Variants in PHF21B observed in about 807,000 individuals in gnomAD.
PHF21B encodes the protein PHD finger protein 21B.
A neutral mutation model predicts 62.2 loss-of-function variants in PHF21B; 22 were observed. The ratio of observed to expected loss-of-function variants is 0.35; its 90% confidence interval spans 0.25 to 0.51. The LOEUF is 0.51. Among genes scored for constraint, PHF21B ranks in the 20% least tolerant of loss-of-function variants. The pLI is 0.97. For synonymous variants in PHF21B, 341 were observed against 314.7 expected (o/e 1.08, Z -0.88); for missense variants, 701 against 707.9 (o/e 0.99, Z 0.11).
intron 12 of PHF21B, 91 bp downstream of exon 12, chr22:44,885,335 C>A: frequency 2.4e-6 from 3 of 1,248,900 alleles, no homozygotes; most frequent in Non-Finnish European, 3.3e-6. Context: ...TGGATCTACA[C>A]CTGTGGTTCT....
intron 7 of PHF21B, 47 bp downstream of exon 7, chr22:44,893,410 T>A: frequency 6.5e-7 from 1 of 1,544,946 alleles, no homozygotes; most frequent in Non-Finnish European, 8.8e-7. Context: ...GGCTGTGCAC[T>A]GGGAGCCCCC....
At chr22:44,922,360 C>T (rs2071553204) in intron 2 of PHF21B, among the ~76,000 whole-genome samples, 2 of 152,148 alleles carry the variant, frequency 1.3e-5, no homozygotes, top group Admixed American at 6.5e-5. Flanking sequence ...GGGCTGGGCG[C>T]GGTGGCTCAC....
At chr22:44,919,264 T>C (rs2071493149) in intron 3 of PHF21B, among the ~76,000 whole-genome samples, 2 of 152,220 alleles carry the variant, frequency 1.3e-5, no homozygotes, top group African/African-American at 4.8e-5. Context: ...GTCCTCCCTC[T>C]AGACCAAGCC....
At chr22:44,965,332 G>T (rs1053419822) in intron 2 of PHF21B, among the ~76,000 whole-genome samples, 37 of 152,022 alleles carry the variant, frequency 2.4e-4, no homozygotes, top group Admixed American at 2.4e-3. Context: ...CTCAGATGTG[G>T]GTCCTTTGGG....
intron 5 of PHF21B, among the ~76,000 whole-genome samples, chr22:44,908,860 C>G (rs551581590): frequency 6.6e-6 from 1 of 152,196 alleles, no homozygotes; most frequent in Non-Finnish European, 1.5e-5. Flanking sequence ...TGCAGTGGTG[C>G]AATCTTGGCT....
chr22:45,007,057 C>G (rs1274327980), intron 2 of PHF21B, among the ~76,000 whole-genome samples: 1 of 151,822 alleles, frequency 6.6e-6, no homozygotes, highest in East Asian at 2.0e-4. Context: ...CCCCCTCCGG[C>G]GGGAATGGAA....
At chr22:44,972,032 G>A (rs984616239) in intron 2 of PHF21B, among the ~76,000 whole-genome samples, 3 of 152,210 alleles carry the variant, frequency 2.0e-5, no homozygotes, top group Non-Finnish European at 2.9e-5. Context: ...CACCCATACC[G>A]GCTGCACTGA....
intron 2 of PHF21B, among the ~76,000 whole-genome samples, chr22:44,921,391 G>C (rs943772252): frequency 2.0e-5 from 3 of 150,982 alleles, no homozygotes; most frequent in Non-Finnish European, 4.4e-5. Flanking sequence ...TTCTTGAGAC[G>C]GAGTCTTGCT....
chr22:44,957,717 G>A (rs956223710), intron 2 of PHF21B, among the ~76,000 whole-genome samples: 9 of 152,092 alleles, frequency 5.9e-5, no homozygotes, highest in Non-Finnish European at 1.2e-4. Flanking sequence ...TTTCTCTCCA[G>A]GCTGCTGGGG....
intron 5 of PHF21B, among the ~76,000 whole-genome samples, chr22:44,905,020 T>C (rs2071223879): frequency 6.6e-6 from 1 of 152,194 alleles, no homozygotes; most frequent in Non-Finnish European, 1.5e-5. Flanking sequence ...CATGAATCTC[T>C]AGCCTCCTAG....
At chr22:44,945,004 G>A (rs1202245388) in intron 2 of PHF21B, among the ~76,000 whole-genome samples, 1 of 115,738 alleles carries the variant, frequency 8.6e-6, no homozygotes, top group Non-Finnish European at 1.8e-5. Context: ...TGAGATTCCT[G>A]CATACCGGGC....
intron 2 of PHF21B, among the ~76,000 whole-genome samples, chr22:44,963,429 C>A (rs1215006672): frequency 6.6e-6 from 1 of 152,204 alleles, no homozygotes; most frequent in East Asian, 1.9e-4. Flanking sequence ...AATAAAGTGA[C>A]TTCTATGAAG....
intron 2 of PHF21B, among the ~76,000 whole-genome samples, chr22:44,962,295 C>T (rs1376908267): frequency 6.6e-6 from 1 of 152,172 alleles, no homozygotes; most frequent in African/African-American, 2.4e-5. Flanking sequence ...GTAGATGTGC[C>T]TCAACTTACG....
chr22:44,974,855 TTC>T (rs1462192221), intron 2 of PHF21B, among the ~76,000 whole-genome samples: 6 of 152,232 alleles, frequency 3.9e-5, no homozygotes, highest in East Asian at 1.9e-4. Flanking sequence ...TAGCGTAATA[TTC>T]TCTGTTATTG....
chr22:44,912,253 G>A (rs967682025), intron 5 of PHF21B, among the ~76,000 whole-genome samples: 1 of 152,218 alleles, frequency 6.6e-6, no homozygotes, highest in Non-Finnish European at 1.5e-5. Flanking sequence ...GACTTTTGAG[G>A]TTAATGTTGA....
chr22:44,916,667 G>A, intron 3 of PHF21B, 37 bp from the exon 4 acceptor site: 1 of 1,583,978 alleles, frequency 6.3e-7, no homozygotes, highest in African/African-American at 1.3e-5. Context: ...CAGACAGGCA[G>A]ACACACAGGA....
At chr22:44,959,629 A>T (rs1434798967) in intron 2 of PHF21B, among the ~76,000 whole-genome samples, 12 of 152,234 alleles carry the variant, frequency 7.9e-5, no homozygotes, top group Non-Finnish European at 4.4e-5. Flanking sequence ...AGATGCACCC[A>T]GGTGGTCCCG....
At chr22:44,992,347 G>A (rs112472700) in intron 2 of PHF21B, among the ~76,000 whole-genome samples, 6,103 of 152,300 alleles carry the variant, frequency 0.04, 157 homozygotes, top group Middle Eastern at 0.065. Context: ...TGGCCGCACC[G>A]CAGCGTGGAC....
chr22:44,946,932 G>A (rs1467431579), intron 2 of PHF21B, among the ~76,000 whole-genome samples: 1 of 152,176 alleles, frequency 6.6e-6, no homozygotes, highest in East Asian at 1.9e-4. Context: ...TGCAGGACCT[G>A]GAAACGGGGC....
Sources: allele counts gnomAD v4.1 joint callset (sites outside exome capture counted in the v4.1 genomes callset), GRCh38; gene constraint gnomAD v4.1.1; transcripts MANE v1.5; gene names NCBI Gene and HGNC (gene_info 2026-07-23, HGNC 2026-07-21).